OSBPL1A: variants seen among roughly 807,000 people sequenced by gnomAD.
OSBPL1A encodes oxysterol binding protein like 1A, also known as oxysterol-binding protein-related protein 1.
Under a neutral mutation model 137.1 loss-of-function variants are expected in OSBPL1A, and 80 were observed. The ratio of observed to expected loss-of-function variants is 0.58; its 90% CI spans 0.49 to 0.70. OSBPL1A has a LOEUF of 0.70. Among genes scored for constraint, OSBPL1A ranks in the 30% least tolerant of loss-of-function variants. The pLI is 0.00. For synonymous variants in OSBPL1A, 365 were observed against 389.7 expected (o/e 0.94, Z 0.75); for missense variants, 970 against 1,129.4 (o/e 0.86, Z 2.02).
rs146050031 is a variant in OSBPL1A at position 24,333,219 on chromosome 18, T to C, written c.481-133A>G. 717 of 993,272 alleles carry C rather than the reference T, an allele frequency of 7.2e-4. 8 individuals carry two copies. The East Asian group carries it at 0.018, about 24-fold the overall frequency. 61.5% of individuals were successfully genotyped at this position (993,272 alleles called of 1,614,324 possible). On this transcript the variant is annotated intron_variant, in intron 6 of 27. Transcript: ENST00000319481. ...TGGCATCCAGGCTGTTAGTGGTTTC[T>C]TGCTCACTAAACCAGCCAACCCTGC...
At chr18:24,382,362 G>C (rs535117201) in intron 1 of OSBPL1A, among the ~76,000 whole-genome samples, 62 of 146,870 alleles carry the variant, frequency 4.2e-4, no homozygotes, top group Admixed American at 1.3e-3. Context: ...AGCTGAGATT[G>C]TGCCACCGCA....
intron 15 of OSBPL1A, among the ~76,000 whole-genome samples, chr18:24,245,565 G>C (rs116821948): frequency 2.0e-4 from 31 of 152,282 alleles, no homozygotes; most frequent in Middle Eastern, 6.8e-3. Flanking sequence ...ATATTGTTAA[G>C]GTAGAGGAGG....
At chr18:24,269,929 A>C (rs946273343) in intron 15 of OSBPL1A, among the ~76,000 whole-genome samples, 6 of 151,686 alleles carry the variant, frequency 4.0e-5, no homozygotes, top group Non-Finnish European at 8.8e-5. Flanking sequence ...AAATTCCCCA[A>C]AAGTTATCAC....
intron 14 of OSBPL1A, among the ~76,000 whole-genome samples, chr18:24,295,941 T>C (rs1485302352): frequency 2.0e-5 from 3 of 152,160 alleles, no homozygotes; most frequent in African/African-American, 7.2e-5. Context: ...AATAATGTGA[T>C]ACCTCCAGAT....
rs764691599 is a variant in OSBPL1A at position 24,251,557 on chromosome 18, G to T, written c.1282-12175C>A. On this transcript the variant is annotated intron_variant, in intron 15 of 27. Coordinates refer to ENST00000319481, the MANE Select transcript of OSBPL1A (RefSeq NM_080597.4). Reference sequence around the variant, plus strand: ...GAAACCACATCATTATTGGGCTTGGGACCCAAGTCTCTTCGAATACCTGGA... The same window carrying T: ...GAAACCACATCATTATTGGGCTTGGTACCCAAGTCTCTTCGAATACCTGGA... 2.0e-5 allele frequency among the ~76,000 whole-genome samples: 3 copies of T among 152,194 alleles called. No individual in the cohort carries two copies. The East Asian group carries it at 5.8e-4, about 29-fold the overall frequency.
Position 24,166,648 on chromosome 18 carries a change from C to T in OSBPL1A, c.2590G>A (p.Glu864Lys), listed in dbSNP as rs139426693. 2 of 1,613,484 alleles carry T rather than the reference C, an allele frequency of 1.2e-6. No homozygotes were observed. The highest frequency in any genetic ancestry group is 2.7e-5 in the African/African-American group (2 of 75,006). The change falls in exon 26 of 28, where the codon GAG becomes AAG. Residue 864 changes from glutamate (E) to lysine (K), a missense_variant. Glu to Lys is a moderately conservative substitution (Grantham distance 56, BLOSUM62 1). Around this residue, in one of 2 missense-constraint regions of OSBPL1A, gnomAD observed 323 missense variants for 456.8 expected, o/e 0.71. Coordinates refer to ENST00000319481, the MANE Select transcript of OSBPL1A (RefSeq NM_080597.4). The stretch of plus-strand genomic sequence containing the variant: ...CAGTCTGTCTTGGGAATCACACTCT[C>T]CATGTCTTTGTCTACTTCATTCAAA... ...MVLNEVDKDM[E>K]SVIPKTDCRL... is the part of the protein sequence containing the mutation.
chr18:24,198,178 T>C (rs556759338), intron 17 of OSBPL1A, among the ~76,000 whole-genome samples: 6 of 152,294 alleles, frequency 3.9e-5, no homozygotes, highest in Non-Finnish European at 8.8e-5. Flanking sequence ...GAAGAGGGAA[T>C]GAGGGCTGTC....
At chr18:24,311,837 A>G in intron 13 of OSBPL1A, 147 bp downstream of exon 13, 2 of 912,720 alleles carry the variant, frequency 2.2e-6, no homozygotes, top group Non-Finnish European at 3.3e-6. Flanking sequence ...TAAGCTACCA[A>G]CACAATGCAA....
intron 1 of OSBPL1A, among the ~76,000 whole-genome samples, chr18:24,395,286 C>G (rs756565111): frequency 5.9e-5 from 9 of 152,226 alleles, no homozygotes; most frequent in Non-Finnish European, 1.3e-4. Context: ...ATATCATATT[C>G]TCTCTTCTCC....
intron 16 of OSBPL1A, among the ~76,000 whole-genome samples, chr18:24,228,486 A>G (rs974381773): frequency 3.3e-5 from 5 of 152,100 alleles, no homozygotes; most frequent in Non-Finnish European, 2.9e-5. Flanking sequence ...TGCTGAATTC[A>G]TTCCTCCCTT....
At chr18:24,264,305 C>A (rs973364295) in intron 15 of OSBPL1A, among the ~76,000 whole-genome samples, 1 of 152,028 alleles carries the variant, frequency 6.6e-6, no homozygotes, top group African/African-American at 2.4e-5. Flanking sequence ...CCTCTTTGCC[C>A]TTAGCTCTAA....
intron 27 of OSBPL1A, among the ~76,000 whole-genome samples, chr18:24,164,251 T>C (rs1047446680): frequency 9.9e-5 from 15 of 152,032 alleles, no homozygotes; most frequent in Admixed American, 9.8e-4. Flanking sequence ...TCACTAATTA[T>C]GAGGGAAACG....
chr18:24,169,696 T>C (rs1211121494), intron 24 of OSBPL1A, among the ~76,000 whole-genome samples: 1 of 152,178 alleles, frequency 6.6e-6, no homozygotes, highest in African/African-American at 2.4e-5. Flanking sequence ...CCTCAAATAT[T>C]TCCTGTCCAA....
chr18:24,198,939 C>A (rs1380041086), intron 17 of OSBPL1A, among the ~76,000 whole-genome samples: 1 of 151,042 alleles, frequency 6.6e-6, no homozygotes, highest in Non-Finnish European at 1.5e-5. Context: ...CTCACTGCAA[C>A]CTCCACCTCC....
At chr18:24,174,711 C>T (rs140812642) in intron 21 of OSBPL1A, among the ~76,000 whole-genome samples, 2 of 152,170 alleles carry the variant, frequency 1.3e-5, no homozygotes, top group African/African-American at 2.4e-5. Flanking sequence ...AATAGGATAG[C>T]TCATTGTGGT....
At chr18:24,332,574 A>C (rs1202501524) in intron 7 of OSBPL1A, among the ~76,000 whole-genome samples, 1 of 51,836 alleles carries the variant, frequency 1.9e-5, no homozygotes, top group African/African-American at 2.7e-4. Flanking sequence ...AGAAACAGCA[A>C]AAAAAAAAAA....
At chr18:24,287,216 T>A (rs1165012562) in intron 14 of OSBPL1A, among the ~76,000 whole-genome samples, 1 of 152,206 alleles carries the variant, frequency 6.6e-6, no homozygotes, top group Non-Finnish European at 1.5e-5. Flanking sequence ...TGGGTTTGCA[T>A]CACTTCTGAT....
chr18:24,191,135 G>A (rs1270128704), intron 18 of OSBPL1A, among the ~76,000 whole-genome samples: 1 of 152,158 alleles, frequency 6.6e-6, no homozygotes, highest in Non-Finnish European at 1.5e-5. Context: ...AGCTTCTCTG[G>A]TGTATTTCCC....
chr18:24,165,405 C>T (rs1364720322), intron 26 of OSBPL1A, among the ~76,000 whole-genome samples: 1 of 152,180 alleles, frequency 6.6e-6, no homozygotes, highest in South Asian at 2.1e-4. Flanking sequence ...CCAAGAACAA[C>T]GTGTTTATTC....
Sources: allele counts gnomAD v4.1 joint callset (sites outside exome capture counted in the v4.1 genomes callset), GRCh38; gene constraint gnomAD v4.1.1; regional missense constraint gnomAD v4.1.1; transcripts MANE v1.5; gene names NCBI Gene and HGNC (gene_info 2026-07-23, HGNC 2026-07-21).